The following RPTOR variants were observed in gnomAD, a reference collection of about 807,000 sequenced individuals.
The protein encoded by RPTOR is regulatory associated protein of MTOR complex 1, also known as regulatory-associated protein of mTOR.
RPTOR carries 21 observed loss-of-function variants against 169.9 expected under a neutral mutation model. The ratio of observed to expected loss-of-function variants is 0.12; its 90% CI spans 0.09 to 0.18. RPTOR has a LOEUF of 0.18. RPTOR is among the 10% of genes least tolerant of loss of function. RPTOR has a pLI of 1.00. For synonymous variants in RPTOR, 732 were observed against 753.2 expected (o/e 0.97, Z 0.46); for missense variants, 1,133 against 1,855.9 (o/e 0.61, Z 7.16).
At chr17:80,807,464 C>T (rs552280636) in intron 7 of RPTOR, among the ~76,000 whole-genome samples, 11 of 152,244 alleles carry the variant, frequency 7.2e-5, no homozygotes, top group Non-Finnish European at 7.4e-5. Context: ...GATTCTCCTG[C>T]GTCAGACTTC....
Position 80,837,984 on chromosome 17 carries a change from G to T in RPTOR, c.1199G>T (p.Gly400Val), listed in dbSNP as rs1472376462. 1 of 1,610,454 alleles carries T rather than the reference G, an allele frequency of 6.2e-7. No homozygotes were observed. The highest frequency in any genetic ancestry group is 1.7e-5 in the Admixed American group (1 of 59,734). The change falls in exon 10 of 34, where the codon GGC becomes GTC. Residue 400 changes from glycine (G) to valine (V), a missense_variant. Gly to Val is a moderately radical substitution (Grantham distance 109, BLOSUM62 -3). This residue lies in a region of RPTOR where 289 missense variants were observed against 585.8 expected (regional missense o/e 0.49). Transcript: ENST00000306801. ...LSQLPTIIEE[G>V]TAFRHSPFFA... ...CAGCTGCCGACGATCATCGAGGAAG[G>T]CACTGCGTTTCGGGTGAGTCCCTCC...
intron 20 of RPTOR, among the ~76,000 whole-genome samples, chr17:80,908,037 G>C (rs979682793): frequency 1.3e-5 from 2 of 152,178 alleles, no homozygotes; most frequent in Non-Finnish European, 2.9e-5. Context: ...CCTTGGCGAC[G>C]CTGGGGGTAA....
At chr17:80,756,985 A>G (rs1319737945) in intron 6 of RPTOR, among the ~76,000 whole-genome samples, 1 of 152,222 alleles carries the variant, frequency 6.6e-6, no homozygotes, top group Non-Finnish European at 1.5e-5. Context: ...TGTTTGAAAT[A>G]AAGAACACAG....
chr17:80,827,398 C>T lies in RPTOR; in HGVS notation c.1136+4175C>T, dbSNP rs140902412. Among the ~76,000 whole-genome samples, 62 of 152,334 alleles carry T rather than the reference C, an allele frequency of 4.1e-4. 2 individuals carry two copies. The East Asian group carries it at 0.012, about 29-fold the overall frequency. On this transcript the variant is annotated intron_variant, in intron 9 of 33. Coordinates refer to ENST00000306801, the MANE Select transcript of RPTOR (RefSeq NM_020761.3). ...CCAGGTTCTCTGTGCAGGGTCCCAT[C>T]AGGTTAAGGCTGCCTTCGCAGTTGA... is the stretch of plus-strand genomic sequence containing the variant.
At chr17:80,884,866 T>C in intron 16 of RPTOR, 142 bp from the exon 17 acceptor site, 3 of 1,142,098 alleles carry the variant, frequency 2.6e-6, no homozygotes, top group Non-Finnish European at 3.6e-6. Flanking sequence ...ACTCTGATAG[T>C]GCGAGGAGAG....
intron 3 of RPTOR, among the ~76,000 whole-genome samples, chr17:80,671,137 T>G (rs2065818683): frequency 1.3e-5 from 2 of 152,338 alleles, no homozygotes; most frequent in Non-Finnish European, 2.9e-5. Context: ...AGTCACATCC[T>G]GCTTCCTCTG....
At chr17:80,908,723 A>G (rs1247340001) in intron 20 of RPTOR, 88 bp from the exon 21 acceptor site, 4 of 887,204 alleles carry the variant, frequency 4.5e-6, no homozygotes, top group East Asian at 2.4e-5. Flanking sequence ...TTCTGATACC[A>G]GGGTTAGGGT....
At chr17:80,647,192 A>T (rs908908349) in intron 3 of RPTOR, among the ~76,000 whole-genome samples, 3 of 152,182 alleles carry the variant, frequency 2.0e-5, no homozygotes, top group Admixed American at 6.5e-5. Flanking sequence ...CACTGATGAA[A>T]TGTTTCTTCT....
Position 80,820,556 on chromosome 17 carries a change from C to T in RPTOR, c.891-1645C>T, listed in dbSNP as rs1334680632. Among the ~76,000 whole-genome samples the T allele has an allele frequency of 6.6e-6, 1 of 152,164 alleles. No individual in the cohort carries two copies. Among genetic ancestry groups the T allele is most frequent in the Non-Finnish European group, 1.5e-5 (1 of 68,032 alleles). The stretch of plus-strand genomic sequence containing the variant: ...CTCTTTGGGAGGTGTGCCCCACCCT[C>T]ACATTCCTCCGTGGGGCCAAGCTCT... On this transcript the variant is annotated intron_variant, in intron 7 of 33. Coordinates refer to ENST00000306801, the MANE Select transcript of RPTOR (RefSeq NM_020761.3). The surrounding 1 kb of genome is among the most constrained non-coding windows in gnomAD (Gnocchi z 4.1).
At position 80,781,436 on chromosome 17, in the gene RPTOR, C is replaced by A. The variant is rs566664671; in HGVS notation, c.831-10014C>A. On this transcript the variant is annotated intron_variant, in intron 6 of 33. Coordinates refer to ENST00000306801, the MANE Select transcript of RPTOR (RefSeq NM_020761.3). ...TCCCGGAGGGTACCAACGAGCTAGGCCTGGTGCTGCCGAAAAGGAACTCAG... is the reference window on the plus strand; with the variant it reads ...TCCCGGAGGGTACCAACGAGCTAGGACTGGTGCTGCCGAAAAGGAACTCAG... Among the ~76,000 whole-genome samples, 360 of 152,268 alleles carry A rather than the reference C, an allele frequency of 2.4e-3. 2 individuals are homozygous for A. The highest frequency in any genetic ancestry group is 1.4e-3 in the Non-Finnish European group (98 of 68,024).
chr17:80,672,963 G>A (rs1363474355), intron 3 of RPTOR, among the ~76,000 whole-genome samples: 2 of 152,054 alleles, frequency 1.3e-5, no homozygotes. Context: ...ATCTCATTCT[G>A]TCACCCAGGC....
intron 6 of RPTOR, among the ~76,000 whole-genome samples, chr17:80,773,105 T>C (rs1488822100): frequency 6.7e-6 from 1 of 150,012 alleles, no homozygotes; most frequent in Admixed American, 6.6e-5. Flanking sequence ...CACAGAGTTG[T>C]TCCTGGGTCT....
intron 6 of RPTOR, among the ~76,000 whole-genome samples, chr17:80,786,482 T>C (rs2066992350): frequency 6.6e-6 from 1 of 152,214 alleles, no homozygotes. Flanking sequence ...GCAAATTGAA[T>C]ACAACAGAGT....
Position 80,891,714 on chromosome 17 carries a change from C to A in RPTOR, c.1984-6C>A. 1 of 1,597,254 alleles carries A rather than the reference C, an allele frequency of 6.3e-7. No individual in the cohort carries two copies. The highest frequency in any genetic ancestry group is 8.6e-7 in the Non-Finnish European group (1 of 1,165,518). On this transcript the variant is annotated splice_polypyrimidine_tract_variant and splice_region_variant and intron_variant, in intron 17 of 33. Transcript: ENST00000306801. ...GACTGTTATTGTCCCTTCTCCCTCT[C>A]GGCAGGAGCTGGTGGTGGCTCTGAG... is the stretch of plus-strand genomic sequence containing the variant.
intron 2 of RPTOR, among the ~76,000 whole-genome samples, chr17:80,634,264 C>CGTGTGTGTGCATACT (rs1555599787): frequency 0.091 from 3,974 of 43,598 alleles, 797 homozygotes; most frequent in Middle Eastern, 0.24. Context: ...GCGTGCATAC[C>CGTGTGTGTGCATACT]GTGTGTGTGC....
At chr17:80,684,428 A>C (rs1292876091) in intron 3 of RPTOR, among the ~76,000 whole-genome samples, 1 of 144,228 alleles carries the variant, frequency 6.9e-6, no homozygotes. Context: ...TTATTTATTT[A>C]TTTATTTATT....
intron 7 of RPTOR, among the ~76,000 whole-genome samples, chr17:80,815,342 C>T (rs1028964317): frequency 2.6e-5 from 4 of 152,346 alleles, no homozygotes; most frequent in South Asian, 2.1e-4. Context: ...CACTCCAACT[C>T]GGAGGTGGCC....
chr17:80,625,586 T>G (rs1599611521), intron 1 of RPTOR, 105 bp from the exon 2 acceptor site: 8 of 826,422 alleles, frequency 9.7e-6, no homozygotes, highest in South Asian at 3.2e-5. Flanking sequence ...GGCAGGTGGG[T>G]AGGGAAGGGG....
In RPTOR at chr17:80,960,340, G is replaced by A. The variant is rs9889472; in HGVS notation, c.3605+135G>A. ...AGCTTCCCCAGGAGCCTGCAGTGGC[G>A]TATTTAGGCCAGTCCTGGGCTCCCC... On this transcript the variant is annotated intron_variant, in intron 30 of 33. Transcript: ENST00000306801. This position sits in a 1 kb window ranked among gnomAD's most constrained non-coding sequence, Gnocchi z 4.8. 0.017 allele frequency: 20,491 copies of A among 1,233,088 alleles called. 1,809 individuals carry two copies. In the African/African-American group the frequency reaches 0.22, roughly 13 times the overall value. 76.4% of individuals were successfully genotyped at this position (1,233,088 alleles called of 1,614,324 possible).
Sources: allele counts gnomAD v4.1 joint callset (sites outside exome capture counted in the v4.1 genomes callset), GRCh38; gene constraint gnomAD v4.1.1; regional missense constraint gnomAD v4.1.1; non-coding constraint Gnocchi (gnomAD v3.1); transcripts MANE v1.5; gene names NCBI Gene and HGNC (gene_info 2026-07-23, HGNC 2026-07-21).